Variants in NPTXR observed in about 807,000 individuals in gnomAD.
NPTXR encodes the protein neuronal pentraxin receptor.
NPTXR carries 12 observed loss-of-function variants against 32.2 expected under a neutral mutation model. The observed-to-expected ratio is 0.37, with a 90% CI of 0.24 to 0.60. The LOEUF is 0.60. Among genes scored for constraint, NPTXR ranks in the 20% least tolerant of loss-of-function variants. The pLI, the probability that NPTXR is intolerant of heterozygous loss-of-function variation, is 0.66. For synonymous variants in NPTXR, 323 were observed against 315.8 expected, an observed-to-expected ratio of 1.02 and a Z score of -0.24; for missense variants, 612 against 682.9, an observed-to-expected ratio of 0.90 and a Z score of 1.16.
At chr22:38,836,535 G>A (rs1427634691) in intron 1 of NPTXR, among the ~76,000 whole-genome samples, 2 of 152,208 alleles carry the variant, frequency 1.3e-5, no homozygotes, top group African/African-American at 4.8e-5. Context: ...CCATTTGTAC[G>A]AAGTCCAAAC....
chr22:38,843,499 G>C lies in NPTXR; in HGVS notation c.360C>G (p.Arg120=). Residue 120 remains arginine (R), a synonymous_variant, in exon 1 of 5, where the codon CGC becomes CGG. Coordinates refer to ENST00000333039, the MANE Select transcript of NPTXR (RefSeq NM_014293.4). This position sits in a 1 kb window ranked among gnomAD's most constrained non-coding sequence, Gnocchi z 5.3. ...TGCTCTGCAGCAGCAGCAGCTCTTC[G>C]CGCTCGCCCGGCGCAGCGCCCGCCG... 1 of 1,287,682 alleles carries C rather than the reference G, an allele frequency of 7.8e-7. No homozygotes were observed. Among genetic ancestry groups the C allele is most frequent in the Non-Finnish European group, 9.8e-7 (1 of 1,019,636 alleles). The allele number at this position is 1,287,682 out of a possible 1,614,324, so 79.8% of individuals were successfully genotyped here. A position where few individuals can be genotyped will look rare whatever the true frequency, so the allele number is the denominator to read the frequency against.
At chr22:38,830,889 C>T (rs1477863811) in intron 1 of NPTXR, among the ~76,000 whole-genome samples, 2 of 152,200 alleles carry the variant, frequency 1.3e-5, no homozygotes, top group South Asian at 2.1e-4. Context: ...ATCCACCCCC[C>T]CCACCTCTTG....
chr22:38,831,056 A>G (rs1228402881), intron 1 of NPTXR, among the ~76,000 whole-genome samples: 2 of 152,234 alleles, frequency 1.3e-5, no homozygotes, highest in Non-Finnish European at 2.9e-5. Flanking sequence ...CCTTCTGTCA[A>G]GGTGCCTATA....
At chr22:38,827,545 TCTC>T (rs1220679954) in intron 2 of NPTXR, among the ~76,000 whole-genome samples, 2 of 152,128 alleles carry the variant, frequency 1.3e-5, no homozygotes, top group Non-Finnish European at 2.9e-5. Context: ...TGGATTTTCT[TCTC>T]CTGAACCCCT....
intron 3 of NPTXR, among the ~76,000 whole-genome samples, chr22:38,825,840 C>CTT (rs11364544): frequency 4.3e-5 from 5 of 115,468 alleles, no homozygotes; most frequent in Non-Finnish European, 7.1e-5. Context: ...CTCTCTCTCT[C>CTT]TTTTTTTTTT....
chr22:38,829,357 C>A (rs140055680), intron 1 of NPTXR, among the ~76,000 whole-genome samples: 1,875 of 152,142 alleles, frequency 0.012, 21 homozygotes, highest in Admixed American at 0.02. Flanking sequence ...ATCTTAAGAC[C>A]CCAAGGGCAG....
chr22:38,822,628 T>G lies in NPTXR; in HGVS notation c.1484A>C (p.Lys495Thr). The change falls in exon 5 of 5, where the codon AAG (lysine) becomes ACG (threonine). Residue 495 changes from lysine (K) to threonine (T), a missense_variant. Lys to Thr is a moderately conservative substitution (Grantham distance 78). Coordinates refer to ENST00000333039, the MANE Select transcript of NPTXR (RefSeq NM_014293.4). ...GGCCCCTCATGCCTTGGCCCTCCCC[T>G]TGCAGACATCGAAGGCAGCCTTTGT... is the stretch of plus-strand genomic sequence containing the variant. 6.2e-7 allele frequency: 1 copy of G among 1,611,990 alleles called. No homozygotes were observed. Among genetic ancestry groups the G allele is most frequent in the Non-Finnish European group, 8.5e-7 (1 of 1,179,600 alleles).
intron 1 of NPTXR, among the ~76,000 whole-genome samples, chr22:38,830,847 G>T (rs905192092): frequency 1.3e-5 from 2 of 152,132 alleles, no homozygotes; most frequent in African/African-American, 4.8e-5. Flanking sequence ...ACCCATGAAA[G>T]CAGCGGGAGA....
Position 38,826,484 on chromosome 22 carries a change from T to G in NPTXR, c.1098+16A>C. The G allele has an allele frequency of 6.3e-7, 1 of 1,590,808 alleles. No homozygotes were observed. The highest frequency in any genetic ancestry group is 8.6e-7 in the Non-Finnish European group (1 of 1,165,418). ...TGGCCCTCCCCCAGCCAGCCCTCCC[T>G]GCCAGCCCTGCCTACCTTGTCGTTG... On this transcript the variant is annotated intron_variant, in intron 3 of 4. Coordinates refer to ENST00000333039, the MANE Select transcript of NPTXR (RefSeq NM_014293.4).
chr22:38,823,337 G>T (rs1265258652), intron 3 of NPTXR, 75 bp from the exon 4 acceptor site: 11 of 1,407,982 alleles, frequency 7.8e-6, no homozygotes, highest in Non-Finnish European at 1.1e-5. Context: ...AGTGGGGTGG[G>T]GCTGGGGAGA....
At position 38,843,820 on chromosome 22, in the gene NPTXR, C is replaced by G; in HGVS notation, c.39G>C (p.Leu13=). ...TGCAGATGACGGCACCGAGGAACGC[C>G]AGCATGCCCGCGGCCAGCAGCACGG... Residue 13 remains leucine, a synonymous_variant, in exon 1 of 5, where the codon CTG becomes CTC. Coordinates refer to ENST00000333039, the MANE Select transcript of NPTXR (RefSeq NM_014293.4). This position sits in a 1 kb window ranked among gnomAD's most constrained non-coding sequence, Gnocchi z 5.3. The G allele has an allele frequency of 9.8e-7, 1 of 1,020,198 alleles. No homozygotes were observed. The highest frequency in any genetic ancestry group is 1.2e-6 in the Non-Finnish European group (1 of 854,134). 63.2% of individuals were successfully genotyped at this position (1,020,198 alleles called of 1,614,324 possible). A position where few individuals can be genotyped will look rare whatever the true frequency, so the allele number is the denominator to read the frequency against.
In NPTXR at chr22:38,843,955, G is replaced by A. The variant is rs2093136049; in HGVS notation, c.-97C>T. ...GCGCGCTGGGCCGAGCGGGGCAGGC[G>A]CGGGAGCCGGAGCCGGAGCCGGAGC... On this transcript the variant is annotated 5_prime_UTR_variant, in exon 1 of 5. Transcript: ENST00000333039. This position sits in a 1 kb window ranked among gnomAD's most constrained non-coding sequence, Gnocchi z 5.3. 1.3e-5 allele frequency: 9 copies of A among 714,608 alleles called. No homozygotes were observed. In the South Asian group the frequency reaches 4.7e-4, roughly 38 times the overall value. The allele number at this position is 714,608 out of a possible 1,614,324, so 44.3% of individuals were successfully genotyped here. A position where few individuals can be genotyped will look rare whatever the true frequency, so the allele number is the denominator to read the frequency against.
Position 38,823,199 on chromosome 22 carries a change from T to C in NPTXR, c.1162A>G (p.Thr388Ala). 6.2e-7 allele frequency: 1 copy of C among 1,614,026 alleles called. No homozygotes were observed. The highest frequency in any genetic ancestry group is 8.5e-7 in the Non-Finnish European group (1 of 1,180,008). ...TAGGCAGACCATAGGCCATCCCTTG[T>C]GGTCCAGGCGATGCAGATGTGGTGC... The change falls in exon 4 of 5, where the codon ACA (threonine) becomes GCA (alanine). Residue 388 changes from threonine (T) to alanine (A), a missense_variant. Coordinates refer to ENST00000333039, the MANE Select transcript of NPTXR (RefSeq NM_014293.4).
chr22:38,836,124 G>C (rs1052823387), intron 1 of NPTXR, among the ~76,000 whole-genome samples: 14 of 152,190 alleles, frequency 9.2e-5, no homozygotes, highest in African/African-American at 3.4e-4. Context: ...AAACGGGAAT[G>C]TTTTTAAAAT....
chr22:38,838,048 G>A (rs112562486), intron 1 of NPTXR, among the ~76,000 whole-genome samples: 1 of 152,038 alleles, frequency 6.6e-6, no homozygotes, highest in Admixed American at 6.6e-5. Flanking sequence ...GTAGAGACAG[G>A]GTTTTGCCAT....
At chr22:38,842,765 G>C (rs1355994672) in intron 1 of NPTXR, among the ~76,000 whole-genome samples, 1 of 152,222 alleles carries the variant, frequency 6.6e-6, no homozygotes, top group Non-Finnish European at 1.5e-5. Flanking sequence ...TCTGTGTAAT[G>C]AGGGGAGGAC....
rs2093121185 is a variant in NPTXR, at chr22:38,834,594, C to T, written c.625-6082G>A. Among the ~76,000 whole-genome samples, 1 of 120,432 alleles carries T rather than the reference C, an allele frequency of 8.3e-6. No homozygotes were observed. The highest frequency in any genetic ancestry group is 8.6e-5 in the Admixed American group (1 of 11,590). 79.0% of individuals were successfully genotyped at this position (120,432 alleles called of 152,430 possible). A position where few individuals can be genotyped will look rare whatever the true frequency, so the allele number is the denominator to read the frequency against. On this transcript the variant is annotated intron_variant, in intron 1 of 4. Transcript: ENST00000333039. This position sits in a 1 kb window ranked among gnomAD's most constrained non-coding sequence, Gnocchi z 4.4. ...CAGAGCACTCATCCATCCATCCATC[C>T]ATCCATCATCCATCCATCCATCCAT...
intron 1 of NPTXR, among the ~76,000 whole-genome samples, chr22:38,841,289 C>A (rs2093131257): frequency 6.6e-6 from 1 of 152,252 alleles, no homozygotes; most frequent in South Asian, 2.1e-4. Flanking sequence ...CTGCTGCACT[C>A]AGAAAAGAGG....
chr22:38,822,888 GAC>G, intron 4 of NPTXR, 55 bp from the exon 5 acceptor site: 1 of 1,542,450 alleles, frequency 6.5e-7, no homozygotes, highest in Non-Finnish European at 8.9e-7. Context: ...GAGCAGAAAA[GAC>G]AGGCAGGCTG....
Sources: gnomAD v4.1 joint callset for allele counts (sites outside exome capture counted in the v4.1 genomes callset) on GRCh38, gnomAD v4.1.1 for gene constraint, Gnocchi (gnomAD v3.1) non-coding constraint, MANE v1.5 for transcripts, NCBI Gene and HGNC (gene_info 2026-07-23, HGNC 2026-07-21) for gene names.